Variants in CD86 observed in about 807,000 individuals in gnomAD.
The protein encoded by CD86 is T-lymphocyte activation antigen CD86.
CD86 carries 11 observed loss-of-function variants against 32.1 expected under a neutral mutation model. The observed-to-expected ratio is 0.34, with a 90% CI of 0.22 to 0.57. The LOEUF is 0.57. Among genes scored for constraint, CD86 ranks in the 20% least tolerant of loss-of-function variants. The pLI is 0.86. For synonymous variants in CD86, 137 were observed against 135.3 expected (o/e 1.01, Z -0.09); for missense variants, 359 against 398.4 (o/e 0.90, Z 0.84).
intron 2 of CD86, 81 bp from the exon 3 acceptor site, chr3:122,103,431 G>T: frequency 2.4e-6 from 2 of 834,442 alleles, no homozygotes; most frequent in East Asian, 5.0e-5. Flanking sequence ...GATAGTATCT[G>T]GGTATTGTAT....
intron 1 of CD86, among the ~76,000 whole-genome samples, chr3:122,067,848 C>T (rs950219697): frequency 6.6e-6 from 1 of 152,120 alleles, no homozygotes; most frequent in Non-Finnish European, 1.5e-5. Context: ...GGAGTAATGC[C>T]TCTTGTGTGG....
chr3:122,062,078 G>C (rs1177602081), intron 1 of CD86, among the ~76,000 whole-genome samples: 2 of 147,810 alleles, frequency 1.4e-5, no homozygotes, highest in East Asian at 3.9e-4. Context: ...AAAATGAAAA[G>C]TTTAAAAAGT....
chr3:122,079,269 G>A (rs2072597596), intron 1 of CD86, among the ~76,000 whole-genome samples: 1 of 152,152 alleles, frequency 6.6e-6, no homozygotes, highest in African/African-American at 2.4e-5. Context: ...AATTTCATAT[G>A]CCTCTTCCTG....
At position 122,120,295 on chromosome 3, in the gene CD86, G is replaced by A. The variant is rs1235648484; in HGVS notation, c.*761G>A. Reference sequence around the variant, plus strand: ...ATAGTGGAGAGAACTGAATAAACAGGAAAATGCCAGAGCTTGTGAACCCTG... The same window carrying A: ...ATAGTGGAGAGAACTGAATAAACAGAAAAATGCCAGAGCTTGTGAACCCTG... On this transcript the variant is annotated 3_prime_UTR_variant, in exon 7 of 7. Transcript: ENST00000330540. 6.6e-6 allele frequency: 1 copy of A among 152,216 alleles called. No homozygotes were observed. Among genetic ancestry groups the A allele is most frequent in the Non-Finnish European group, 1.5e-5 (1 of 68,088 alleles). The allele number at this position is 152,216 out of a possible 1,614,324, so 9.4% of individuals were successfully genotyped here. A position where few individuals can be genotyped will look rare whatever the true frequency, so the allele number is the denominator to read the frequency against.
chr3:122,101,260 A>T (rs143150132), intron 2 of CD86, among the ~76,000 whole-genome samples: 1 of 152,154 alleles, frequency 6.6e-6, no homozygotes, highest in African/African-American at 2.4e-5. Context: ...GTTCTGAATC[A>T]GTAAGTCTTG....
chr3:122,085,931 T>C (rs1379615714), intron 1 of CD86, among the ~76,000 whole-genome samples: 1 of 152,132 alleles, frequency 6.6e-6, no homozygotes, highest in African/African-American at 2.4e-5. Flanking sequence ...GGGCCCTGAG[T>C]GCTGCTGGGC....
At position 122,055,484 on chromosome 3, in the gene CD86, G is replaced by A. The variant is rs1255977471; in HGVS notation, c.-6G>A. The A allele has an allele frequency of 6.2e-7, 1 of 1,614,052 alleles. No homozygotes were observed. Among genetic ancestry groups the A allele is most frequent in the African/African-American group, 1.3e-5 (1 of 75,064 alleles). ...CAGATATTAGGTCACAGCAGAAGCAGCCAAAATGGATCCCCAGTGGTGAGT... is the reference window on the plus strand; with the variant it reads ...CAGATATTAGGTCACAGCAGAAGCAACCAAAATGGATCCCCAGTGGTGAGT... On this transcript the variant is annotated 5_prime_UTR_variant, in exon 1 of 7. Coordinates refer to ENST00000330540, the MANE Select transcript of CD86 (RefSeq NM_175862.5).
intron 1 of CD86, among the ~76,000 whole-genome samples, chr3:122,084,265 G>C (rs1474588255): frequency 1.3e-4 from 20 of 152,234 alleles, no homozygotes; most frequent in Non-Finnish European, 2.8e-4. Flanking sequence ...GGGATTACAA[G>C]CATGAGCCAC....
chr3:122,097,455 G>C (rs1242617222), intron 2 of CD86, among the ~76,000 whole-genome samples: 1 of 152,158 alleles, frequency 6.6e-6, no homozygotes, highest in Admixed American at 6.5e-5. Context: ...CTCTTACTAC[G>C]ACGGTATAAT....
intron 2 of CD86, among the ~76,000 whole-genome samples, chr3:122,097,564 A>AG (rs1383428306): frequency 4.0e-5 from 6 of 151,366 alleles, no homozygotes; most frequent in Non-Finnish European, 8.8e-5. Flanking sequence ...GTGCAGACTT[A>AG]GGGGGTCGCC....
At chr3:122,093,345 A>C (rs1169129484) in intron 2 of CD86, among the ~76,000 whole-genome samples, 1 of 152,166 alleles carries the variant, frequency 6.6e-6, no homozygotes, top group Non-Finnish European at 1.5e-5. Context: ...TGATAAATGC[A>C]TATATACACA....
At chr3:122,079,575 G>A (rs1429387226) in intron 1 of CD86, among the ~76,000 whole-genome samples, 2 of 152,112 alleles carry the variant, frequency 1.3e-5, no homozygotes, top group East Asian at 3.9e-4. Context: ...TCATGGCCAG[G>A]CAGGTAAGAG....
intron 1 of CD86, among the ~76,000 whole-genome samples, chr3:122,062,096 A>C (rs1386278295): frequency 2.6e-5 from 4 of 152,014 alleles, no homozygotes; most frequent in Non-Finnish European, 4.4e-5. Context: ...AGTAAAAAAA[A>C]AAAACAAAAA....
chr3:122,097,840 G>A (rs960619446), intron 2 of CD86, among the ~76,000 whole-genome samples: 2 of 152,178 alleles, frequency 1.3e-5, no homozygotes, highest in African/African-American at 4.8e-5. Context: ...GGAGAAAAGT[G>A]TCTTCTCTAT....
intron 5 of CD86, among the ~76,000 whole-genome samples, chr3:122,115,273 A>G (rs1354300888): frequency 6.6e-6 from 1 of 152,216 alleles, no homozygotes; most frequent in East Asian, 1.9e-4. Context: ...ATCAAATAAT[A>G]TTAAAAACTT....
chr3:122,099,411 GA>G (rs1243209870), intron 2 of CD86, among the ~76,000 whole-genome samples: 1 of 152,212 alleles, frequency 6.6e-6, no homozygotes, highest in Non-Finnish European at 1.5e-5. Context: ...AAGGGAAAGA[GA>G]AACTAAAAGC....
rs1051002368 is a variant in CD86, at chr3:122,109,368, A to G, written c.807A>G (p.Lys269=). The G allele has an allele frequency of 4.3e-6, 7 of 1,613,994 alleles. No homozygotes were observed. In the Admixed American group the frequency reaches 1.0e-4, roughly 23 times the overall value. ...CVMVFCLILW[K]WKKKKRPRNS... ...TGGTTTTCTGTCTAATTCTATGGAA[A>G]TGGAAGAAGAAGAAGCGGCCTCGCA... Residue 269 remains lysine, a synonymous_variant, in exon 5 of 7, where the codon AAA becomes AAG. Coordinates refer to ENST00000330540, the MANE Select transcript of CD86 (RefSeq NM_175862.5).
chr3:122,068,423 A>T (rs2072444147), intron 1 of CD86, among the ~76,000 whole-genome samples: 1 of 152,170 alleles, frequency 6.6e-6, no homozygotes, highest in Non-Finnish European at 1.5e-5. Flanking sequence ...ATTTCTTCTA[A>T]CTGAGGTTAT....
intron 2 of CD86, among the ~76,000 whole-genome samples, chr3:122,093,417 T>A (rs2107528563): frequency 6.6e-6 from 1 of 152,344 alleles, no homozygotes; most frequent in Non-Finnish European, 1.5e-5. Flanking sequence ...GGCGATTTTG[T>A]CATTGTATAA....
Sources: allele counts gnomAD v4.1 joint callset (sites outside exome capture counted in the v4.1 genomes callset), GRCh38; gene constraint gnomAD v4.1.1; transcripts MANE v1.5; gene names NCBI Gene and HGNC (gene_info 2026-07-23, HGNC 2026-07-21).